The following LMNTD1 variants were observed in gnomAD, a reference collection of about 807,000 sequenced individuals.
LMNTD1 encodes the protein lamin tail domain containing 1.
LMNTD1 carries 35 observed loss-of-function variants against 50.9 expected under a neutral mutation model. The ratio of observed to expected loss-of-function variants is 0.69; its 90% CI spans 0.53 to 0.91. The LOEUF is 0.91. Ranked by LOEUF, LMNTD1 falls within the 40% of genes least tolerant of loss-of-function variation. LMNTD1 has a pLI of 0.00. For synonymous variants in LMNTD1, 153 were observed against 161.9 expected, an observed-to-expected ratio of 0.94 and a Z score of 0.42; for missense variants, 470 against 475.5, an observed-to-expected ratio of 0.99 and a Z score of 0.11.
At chr12:25,511,114 A>G (rs1245618231) in intron 8 of LMNTD1, among the ~76,000 whole-genome samples, 1 of 152,154 alleles carries the variant, frequency 6.6e-6, no homozygotes, top group Non-Finnish European at 1.5e-5. Context: ...GGAGGTAGTC[A>G]GGGTGTGTTT....
intron 8 of LMNTD1, among the ~76,000 whole-genome samples, chr12:25,514,886 C>T (rs1483452936): frequency 1.3e-5 from 2 of 152,042 alleles, no homozygotes; most frequent in African/African-American, 4.8e-5. Flanking sequence ...CAGATTGGCA[C>T]ATAATTTAAG....
At chr12:25,536,626 T>A (rs918419867) in intron 4 of LMNTD1, among the ~76,000 whole-genome samples, 5 of 151,806 alleles carry the variant, frequency 3.3e-5, no homozygotes, top group African/African-American at 1.2e-4. Flanking sequence ...ATCTGTAGTA[T>A]CAAAAGAGAA....
At chr12:25,514,218 G>C (rs376755173) in intron 8 of LMNTD1, among the ~76,000 whole-genome samples, 22 of 152,128 alleles carry the variant, frequency 1.4e-4, no homozygotes, top group Non-Finnish European at 2.8e-4. Context: ...CACAGACCCA[G>C]ACCCAAGCAT....
At chr12:25,521,205 C>A (rs1241869515) in intron 6 of LMNTD1, among the ~76,000 whole-genome samples, 1 of 151,890 alleles carries the variant, frequency 6.6e-6, no homozygotes, top group Non-Finnish European at 1.5e-5. Flanking sequence ...TGTGCAGAAG[C>A]TTTTTAGCTT....
In LMNTD1 at chr12:25,503,817, AT is replaced by A. The variant is rs756115595; in HGVS notation, c.1190-18del. On this transcript the variant is annotated intron_variant, in intron 8 of 9. Coordinates refer to ENST00000458174, the MANE Select transcript of LMNTD1 (RefSeq NM_001145728.2). Reference sequence around the variant, plus strand: ...TCTTAGACCCTGAAAATTAAAAAAAATAATTAAAAAAAGGAGAGAGGCTAGG... The same window carrying A: ...TCTTAGACCCTGAAAATTAAAAAAAAAATTAAAAAAAGGAGAGAGGCTAGG... 14 of 1,490,360 alleles carry A rather than the reference AT, an allele frequency of 9.4e-6. No individual in the cohort carries two copies. The South Asian group carries it at 1.2e-4, about 13-fold the overall frequency. 92.3% of individuals were successfully genotyped at this position (1,490,360 alleles called of 1,614,324 possible). A position where few individuals can be genotyped will look rare whatever the true frequency, so the allele number is the denominator to read the frequency against.
chr12:25,648,527 C>A (rs775614213), exon 1 of LMNTD1: 1 of 1,551,612 alleles, frequency 6.4e-7, no homozygotes, highest in Non-Finnish European at 8.7e-7. Context: ...ACACCGATGT[C>A]TCCTGCTCTC....
chr12:25,528,695 T>C (rs1941992974), intron 4 of LMNTD1, among the ~76,000 whole-genome samples: 1 of 152,136 alleles, frequency 6.6e-6, no homozygotes, highest in African/African-American at 2.4e-5. Context: ...CTACCTCTTC[T>C]CCATAGCCCA....
chr12:25,536,198 G>C (rs1236947884), intron 4 of LMNTD1, among the ~76,000 whole-genome samples: 1 of 152,196 alleles, frequency 6.6e-6, no homozygotes, highest in Non-Finnish European at 1.5e-5. Context: ...TCAGCAAAAA[G>C]ACAGTAGACA....
chr12:25,543,211 T>G (rs1359653867), intron 4 of LMNTD1, among the ~76,000 whole-genome samples: 1 of 151,962 alleles, frequency 6.6e-6, no homozygotes, highest in Non-Finnish European at 1.5e-5. Flanking sequence ...AAAAATTACT[T>G]CTACACAATC....
intron 1 of LMNTD1, among the ~76,000 whole-genome samples, chr12:25,576,459 T>C (rs967855717): frequency 1.3e-5 from 2 of 152,254 alleles, no homozygotes; most frequent in African/African-American, 4.8e-5. Flanking sequence ...GAGCATTTTT[T>C]CATGTGTCTG....
chr12:25,609,625 C>G (rs1178297167), intron 1 of LMNTD1, among the ~76,000 whole-genome samples: 2 of 152,122 alleles, frequency 1.3e-5, no homozygotes, highest in Non-Finnish European at 2.9e-5. Context: ...CACTCCAGAC[C>G]CTGTTTGCCT....
At position 25,558,986 on chromosome 12, in the gene LMNTD1, T is replaced by C. The variant is rs576199882; in HGVS notation, c.59-12432A>G. ...CTTACAGTTTTTTTTTTTGAGACAG[T>C]CTTTTTTTTTAGAATGCTAATCCCC... On this transcript the variant is annotated intron_variant, in intron 1 of 7. Transcript: ENST00000445693. Among the ~76,000 whole-genome samples, 28 of 151,334 alleles carry C rather than the reference T, an allele frequency of 1.9e-4. 1 individual carries two copies. The South Asian group carries it at 5.7e-3, about 31-fold the overall frequency.
chr12:25,603,946 T>C (rs78808460), intron 1 of LMNTD1, among the ~76,000 whole-genome samples: 2 of 151,700 alleles, frequency 1.3e-5, no homozygotes, highest in African/African-American at 4.8e-5. Flanking sequence ...ATACGAATAT[T>C]GGGGGGGAAG....
chr12:25,484,046 G>A (rs753990334), intron 9 of LMNTD1, among the ~76,000 whole-genome samples: 13 of 151,824 alleles, frequency 8.6e-5, no homozygotes, highest in Non-Finnish European at 1.8e-4. Flanking sequence ...GTGTATTTAA[G>A]TCACCCGGAT....
intron 1 of LMNTD1, among the ~76,000 whole-genome samples, chr12:25,604,025 A>C (rs887221791): frequency 3.3e-5 from 5 of 152,126 alleles, no homozygotes; most frequent in Non-Finnish European, 7.4e-5. Context: ...GCAAACAAAC[A>C]AAAAGAACTG....
chr12:25,631,669 T>A (rs1309054407), intron 1 of LMNTD1, among the ~76,000 whole-genome samples: 2 of 151,950 alleles, frequency 1.3e-5, no homozygotes, highest in African/African-American at 4.8e-5. Context: ...CCCTAGACCT[T>A]CCCTCTGACA....
chr12:25,536,212 C>T (rs2136150771), intron 4 of LMNTD1, among the ~76,000 whole-genome samples: 1 of 152,268 alleles, frequency 6.6e-6, no homozygotes, highest in Non-Finnish European at 1.5e-5. Context: ...GTAGACAACA[C>T]TATCAACCAA....
intron 1 of LMNTD1, among the ~76,000 whole-genome samples, chr12:25,577,111 GA>G (rs1945057761): frequency 6.6e-6 from 1 of 152,180 alleles, no homozygotes. Context: ...AGTATAGTTT[GA>G]AGTCAGGTAG....
intron 8 of LMNTD1, 131 bp from the exon 9 acceptor site, chr12:25,503,931 A>T: frequency 5.5e-6 from 3 of 541,948 alleles, no homozygotes; most frequent in Non-Finnish European, 9.6e-6. Flanking sequence ...CAACAAAAGG[A>T]TTTTCTTTCA....
Sources: allele counts gnomAD v4.1 joint callset (sites outside exome capture counted in the v4.1 genomes callset), GRCh38; gene constraint gnomAD v4.1.1; transcripts MANE v1.5; gene names NCBI Gene and HGNC (gene_info 2026-07-23, HGNC 2026-07-21).